Variants in SWT1 observed in about 807,000 individuals in gnomAD.
SWT1 encodes the protein transcriptional protein SWT1.
Under a neutral mutation model 107.3 loss-of-function variants are expected in SWT1, and 33 were observed. That is an observed-to-expected ratio of 0.31 (90% CI 0.23 to 0.41). SWT1 has a LOEUF of 0.41. Ranked by LOEUF, SWT1 falls within the 10% of genes least tolerant of loss-of-function variation. SWT1 has a pLI of 1.00. For synonymous variants in SWT1, 345 were observed against 348.3 expected, an observed-to-expected ratio of 0.99 and a Z score of 0.11; for missense variants, 898 against 1,028.9, an observed-to-expected ratio of 0.87 and a Z score of 1.74.
At chr1:185,222,639 C>T (rs1157467224) in intron 15 of SWT1, among the ~76,000 whole-genome samples, 2 of 151,694 alleles carry the variant, frequency 1.3e-5, no homozygotes, top group African/African-American at 4.9e-5. Context: ...ATGGCGTGTA[C>T]CTGTCATCCC....
chr1:185,167,573 C>T (rs144669476), intron 3 of SWT1, among the ~76,000 whole-genome samples: 3 of 152,290 alleles, frequency 2.0e-5, no homozygotes, highest in South Asian at 2.1e-4. Context: ...CTTGAAACAC[C>T]GATTTCATCC....
rs1044583017 is a variant in SWT1, at chr1:185,166,596, G to A, written c.109G>A (p.Ala37Thr). The change falls in exon 3 of 19, where the codon GCA becomes ACA. Residue 37 changes from alanine to threonine, a missense_variant. Ala to Thr is a moderately conservative substitution (Grantham distance 58, BLOSUM62 0). This residue lies in a region of SWT1 where 382 missense variants were observed against 362.4 expected (regional missense o/e 1.05). Coordinates refer to ENST00000367500, the MANE Select transcript of SWT1 (RefSeq NM_017673.7). ...GGACAAGAAAGAGAGAAAAACCCCAGCAAGTTCTACTAGTTCATCTTCTAT... is the reference window on the plus strand; with the variant it reads ...GGACAAGAAAGAGAGAAAAACCCCAACAAGTTCTACTAGTTCATCTTCTAT... Reference protein sequence around the residue: ...EKDKKERKTPASSTSSSSIRS... With the variant: ...EKDKKERKTPTSSTSSSSIRS... 1 of 1,605,810 alleles carries A rather than the reference G, an allele frequency of 6.2e-7. No individual in the cohort carries two copies. The highest frequency in any genetic ancestry group is 8.5e-7 in the Non-Finnish European group (1 of 1,174,762).
At chr1:185,259,206 G>A (rs889771782) in intron 16 of SWT1, among the ~76,000 whole-genome samples, 6 of 151,854 alleles carry the variant, frequency 4.0e-5, no homozygotes, top group South Asian at 2.1e-4. Flanking sequence ...AATCAATTTC[G>A]TGTGCTGCCT....
At position 185,265,838 on chromosome 1, in the gene SWT1, G is replaced by T. The variant is rs575190432; in HGVS notation, c.2442-5485G>T. On this transcript the variant is annotated intron_variant, in intron 16 of 18. Coordinates refer to ENST00000367500, the MANE Select transcript of SWT1 (RefSeq NM_017673.7). The stretch of plus-strand genomic sequence containing the variant: ...AACCTTGACTCATTTATTAGCTATA[G>T]AGAATATAAAAGTGAATTTTTAATA... 3.9e-4 allele frequency among the ~76,000 whole-genome samples: 59 copies of T among 152,172 alleles called. No homozygotes were observed. In the Middle Eastern group the frequency reaches 0.014, roughly 35 times the overall value.
intron 13 of SWT1, 152 bp from the exon 14 acceptor site, chr1:185,214,355 G>C (rs1659054542): frequency 4.2e-6 from 2 of 473,266 alleles, no homozygotes; most frequent in South Asian, 5.2e-5. Context: ...TTTAATTATT[G>C]CTTTTTGTAC....
rs536885696 is a variant in SWT1, at chr1:185,291,183, C to G, written c.*380C>G. ...TTCAACCCTAAGTATGGGCATGTGA[C>G]CAGAGACACTGCCAAACCCTAAGAA... On this transcript the variant is annotated 3_prime_UTR_variant, in exon 19 of 19. Coordinates refer to ENST00000367500, the MANE Select transcript of SWT1 (RefSeq NM_017673.7). 1 of 153,748 alleles carries G rather than the reference C, an allele frequency of 6.5e-6. No homozygotes were observed. Among genetic ancestry groups the G allele is most frequent in the Non-Finnish European group, 1.5e-5 (1 of 68,794 alleles). 9.5% of individuals were successfully genotyped at this position (153,748 alleles called of 1,614,324 possible).
chr1:185,159,323 G>A (rs1480757780), intron 1 of SWT1, among the ~76,000 whole-genome samples: 1 of 152,106 alleles, frequency 6.6e-6, no homozygotes, highest in African/African-American at 2.4e-5. Context: ...AAATCAATAG[G>A]AATTTCACAC....
At chr1:185,275,332 C>T (rs1180833844) in intron 17 of SWT1, among the ~76,000 whole-genome samples, 1 of 151,548 alleles carries the variant, frequency 6.6e-6, no homozygotes, top group Non-Finnish European at 1.5e-5. Context: ...AAGAAGTGGA[C>T]TGGTTGATAG....
intron 16 of SWT1, among the ~76,000 whole-genome samples, chr1:185,233,884 C>G (rs1432068074): frequency 6.6e-6 from 1 of 152,144 alleles, no homozygotes; most frequent in Non-Finnish European, 1.5e-5. Flanking sequence ...GCTGGGACTA[C>G]AGGCACCCGC....
intron 5 of SWT1, among the ~76,000 whole-genome samples, chr1:185,179,674 T>C (rs567646458): frequency 6.6e-6 from 1 of 152,352 alleles, no homozygotes; most frequent in African/African-American, 2.4e-5. Context: ...GAAGGCCAAC[T>C]TGTTTACCTT....
intron 13 of SWT1, among the ~76,000 whole-genome samples, chr1:185,207,853 A>T (rs1055861507): frequency 3.9e-5 from 6 of 152,204 alleles, no homozygotes; most frequent in Admixed American, 2.6e-4. Flanking sequence ...GTGAGCCAAG[A>T]TGGTGCCACT....
chr1:185,227,464 T>C, intron 15 of SWT1: 1 of 598,228 alleles, frequency 1.7e-6, no homozygotes. Flanking sequence ...TTTGTGTACA[T>C]ATGCTGTGCA....
chr1:185,211,092 A>G (rs1658763467), intron 13 of SWT1, among the ~76,000 whole-genome samples: 1 of 152,208 alleles, frequency 6.6e-6, no homozygotes, highest in Non-Finnish European at 1.5e-5. Context: ...AGGAAGAATC[A>G]ATATAGTGAA....
In SWT1 at chr1:185,290,954, A is replaced by C. The variant is rs1419019566; in HGVS notation, c.*151A>C. 1.2e-5 allele frequency: 6 copies of C among 513,956 alleles called. No individual in the cohort carries two copies. Among genetic ancestry groups the C allele is most frequent in the Non-Finnish European group, 1.9e-5 (6 of 313,024 alleles). 31.8% of individuals were successfully genotyped at this position (513,956 alleles called of 1,614,324 possible). A position where few individuals can be genotyped will look rare whatever the true frequency, so the allele number is the denominator to read the frequency against. ...GTGATCGCCTATTACTGACAGTCTC[A>C]TTGTAGCTCTAAAAAGCCTAATGTA... On this transcript the variant is annotated 3_prime_UTR_variant, in exon 19 of 19. Transcript: ENST00000367500.
Position 185,228,697 on chromosome 1 carries a change from A to G in SWT1, c.2310-2880A>G, listed in dbSNP as rs535124230. Among the ~76,000 whole-genome samples, 17 of 152,234 alleles carry G rather than the reference A, an allele frequency of 1.1e-4. No homozygotes were observed. The South Asian group carries it at 3.5e-3, about 32-fold the overall frequency. On this transcript the variant is annotated intron_variant, in intron 15 of 18. Transcript: ENST00000367500. ...TGTCATTTGATCATGACGCCTTAAG[A>G]GGAAAGAAGAAATGGAGGAATAGTA...
chr1:185,158,137 A>G (rs970520322), intron 1 of SWT1, among the ~76,000 whole-genome samples: 12 of 152,134 alleles, frequency 7.9e-5, no homozygotes, highest in Non-Finnish European at 1.3e-4. Context: ...ATAAACGCCA[A>G]TCTTCTTGGT....
rs750791361 is a variant in SWT1, at chr1:185,202,658, G to A, written c.1528G>A (p.Asp510Asn). The stretch of plus-strand genomic sequence containing the variant: ...ATCCCAACCTCCCAACCTTAGGGAT[G>A]ATAGAAACTTAAGAAACAAAGGCCT... ...PCSFVILCTD[D>N]RNLRNKGLIS... is the part of the protein sequence containing the mutation. Residue 510 changes from aspartate (D) to asparagine (N), a missense_variant, in exon 11 of 19, where the codon GAT (aspartate) becomes AAT (asparagine). By Grantham distance (23) the Asp-to-Asn change is conservative. Transcript: ENST00000367500. 28 of 1,606,280 alleles carry A rather than the reference G, an allele frequency of 1.7e-5. No homozygotes were observed.
chr1:185,246,094 A>G (rs1661588406), intron 16 of SWT1, among the ~76,000 whole-genome samples: 1 of 152,044 alleles, frequency 6.6e-6, no homozygotes, highest in African/African-American at 2.4e-5. Flanking sequence ...TGGGACCACC[A>G]TCATATATGT....
chr1:185,206,622 T>C lies in SWT1; in HGVS notation c.1834-3T>C. ...TGTTAATTTTTTTCTACATACTCTT[T>C]AGATCCTGTACCTGAAACCACCATG... On this transcript the variant is annotated splice_polypyrimidine_tract_variant and splice_region_variant and intron_variant, in intron 12 of 18. Coordinates refer to ENST00000367500, the MANE Select transcript of SWT1 (RefSeq NM_017673.7). 1 of 1,525,956 alleles carries C rather than the reference T, an allele frequency of 6.6e-7. No individual in the cohort carries two copies. The highest frequency in any genetic ancestry group is 8.8e-7 in the Non-Finnish European group (1 of 1,138,378). 94.5% of individuals were successfully genotyped at this position (1,525,956 alleles called of 1,614,324 possible). A position where few individuals can be genotyped will look rare whatever the true frequency, so the allele number is the denominator to read the frequency against.
Sources: allele counts gnomAD v4.1 joint callset (sites outside exome capture counted in the v4.1 genomes callset), GRCh38; gene constraint gnomAD v4.1.1; regional missense constraint gnomAD v4.1.1; transcripts MANE v1.5; gene names NCBI Gene and HGNC (gene_info 2026-07-23, HGNC 2026-07-21).